DENND5B: variants seen among roughly 807,000 people sequenced by gnomAD.
DENND5B encodes DENN domain-containing protein 5B.
Under a neutral mutation model 140.6 loss-of-function variants are expected in DENND5B, and 34 were observed. The observed-to-expected ratio is 0.24, with a 90% CI of 0.18 to 0.32. The LOEUF (loss-of-function observed/expected upper bound fraction) is 0.32, where lower values mean the gene tolerates loss of function less well. Among genes scored for constraint, DENND5B ranks in the 10% least tolerant of loss-of-function variants. DENND5B has a pLI of 1.00. For synonymous variants in DENND5B, 551 were observed against 562.1 expected (o/e 0.98, Z 0.28); for missense variants, 1,142 against 1,560.2 (o/e 0.73, Z 4.52).
intron 1 of DENND5B, among the ~76,000 whole-genome samples, chr12:31,533,247 T>C (rs1047652157): frequency 4.6e-5 from 7 of 151,456 alleles, no homozygotes; most frequent in African/African-American, 1.5e-4. Context: ...TGAAAATATT[T>C]GAAGAAAAAA....
intron 14 of DENND5B, among the ~76,000 whole-genome samples, chr12:31,407,109 TAATTA>T (rs1027665754): frequency 1.3e-5 from 2 of 151,688 alleles, no homozygotes; most frequent in African/African-American, 4.8e-5. Context: ...CTCTTCGATT[TAATTA>T]AATTAATTAA....
chr12:31,560,066 A>G (rs1949422168), intron 1 of DENND5B, among the ~76,000 whole-genome samples: 1 of 152,066 alleles, frequency 6.6e-6, no homozygotes, highest in African/African-American at 2.4e-5. Flanking sequence ...TCCCTTGGTG[A>G]TCTTATCTAA....
chr12:31,574,295 A>AATAATTATTATT (rs374578025), intron 1 of DENND5B, among the ~76,000 whole-genome samples: 21 of 144,594 alleles, frequency 1.5e-4, no homozygotes, highest in African/African-American at 4.0e-4. Context: ...TAATAATAAT[A>AATAATTATTATT]ATTTAAAAGG....
intron 9 of DENND5B, 29 bp downstream of exon 9, chr12:31,426,264 A>C: frequency 1.9e-6 from 3 of 1,590,492 alleles, no homozygotes; most frequent in Non-Finnish European, 2.6e-6. Flanking sequence ...ATGAATGCAC[A>C]CTGTCTGGCA....
chr12:31,449,554 C>G (rs1944415812), intron 5 of DENND5B, among the ~76,000 whole-genome samples: 2 of 151,956 alleles, frequency 1.3e-5, no homozygotes. Context: ...GTGAAAGGTA[C>G]TTATAAGCCT....
intron 2 of DENND5B, among the ~76,000 whole-genome samples, chr12:31,493,249 C>T (rs946903318): frequency 2.6e-5 from 4 of 152,142 alleles, no homozygotes; most frequent in African/African-American, 9.7e-5. Flanking sequence ...ATTACTTAAC[C>T]TTTGAAAATA....
intron 5 of DENND5B, among the ~76,000 whole-genome samples, chr12:31,448,814 C>T (rs1269165668): frequency 6.6e-6 from 1 of 151,854 alleles, no homozygotes; most frequent in African/African-American, 2.4e-5. Flanking sequence ...AGTTTGAGGC[C>T]AGCCTAAAGA....
chr12:31,470,732 T>G (rs1259237), intron 3 of DENND5B, among the ~76,000 whole-genome samples: 7 of 152,134 alleles, frequency 4.6e-5, no homozygotes, highest in Admixed American at 2.0e-4. Flanking sequence ...GGGCATCCAG[T>G]TGGTATCACA....
chr12:31,434,662 A>G (rs991013351), intron 7 of DENND5B, among the ~76,000 whole-genome samples: 2 of 152,092 alleles, frequency 1.3e-5, no homozygotes, highest in African/African-American at 4.8e-5. Context: ...ACTCCTTTCT[A>G]TCATCTTCAT....
intron 3 of DENND5B, among the ~76,000 whole-genome samples, chr12:31,472,101 T>C (rs1945587809): frequency 6.6e-6 from 1 of 152,162 alleles, no homozygotes. Context: ...ATGTGGGCAC[T>C]CCATGTAACT....
Position 31,591,003 on chromosome 12 carries a change from CG to C in DENND5B, c.-172del. ...CCGCAGCCTGCCTCCTCGCTCGGCG[CG>C]GGGGAAGCGGCCGCGGGCTCGCGCG... On this transcript the variant is annotated 5_prime_UTR_variant, in exon 1 of 21. Coordinates refer to ENST00000389082, the MANE Select transcript of DENND5B (RefSeq NM_144973.4). 3 of 711,274 alleles carry C rather than the reference CG, an allele frequency of 4.2e-6. No homozygotes were observed. Among genetic ancestry groups the C allele is most frequent in the Non-Finnish European group, 5.2e-6 (3 of 574,976 alleles). 44.1% of individuals were successfully genotyped at this position (711,274 alleles called of 1,614,324 possible). A position where few individuals can be genotyped will look rare whatever the true frequency, so the allele number is the denominator to read the frequency against.
rs571580586 is a variant in DENND5B at position 31,459,191 on chromosome 12, G to A, written c.1092+1003C>T. 7.6e-5 allele frequency among the ~76,000 whole-genome samples: 11 copies of A among 144,856 alleles called. No individual in the cohort carries two copies. The South Asian group carries it at 1.8e-3, about 23-fold the overall frequency. On this transcript the variant is annotated intron_variant, in intron 4 of 20. Coordinates refer to ENST00000389082, the MANE Select transcript of DENND5B (RefSeq NM_144973.4). ...GCACTCCAGCCTGGGCAACAAGAGC[G>A]AAACTCCATCTCAAAAGAAAAGAAA...
At chr12:31,589,490 G>C (rs1345950567) in intron 1 of DENND5B, among the ~76,000 whole-genome samples, 1 of 146,304 alleles carries the variant, frequency 6.8e-6, no homozygotes, top group East Asian at 1.9e-4. Context: ...CTCTGAAGCT[G>C]AGTTAAGAAG....
intron 1 of DENND5B, among the ~76,000 whole-genome samples, chr12:31,548,429 G>A (rs1167590463): frequency 6.6e-6 from 1 of 151,674 alleles, no homozygotes; most frequent in East Asian, 1.9e-4. Context: ...GAATTTAAGC[G>A]ACTCTCTCAC....
chr12:31,508,403 T>C (rs1306521104), intron 1 of DENND5B, among the ~76,000 whole-genome samples: 1 of 152,168 alleles, frequency 6.6e-6, no homozygotes, highest in Non-Finnish European at 1.5e-5. Flanking sequence ...AAAAGAAAGA[T>C]ATAAATTACA....
chr12:31,492,314 T>C (rs1052787662), intron 2 of DENND5B, among the ~76,000 whole-genome samples: 1 of 152,264 alleles, frequency 6.6e-6, no homozygotes, highest in African/African-American at 2.4e-5. Context: ...AAAGCTATCA[T>C]GGATATCTCA....
chr12:31,436,597 C>A (rs1943767381), intron 7 of DENND5B, among the ~76,000 whole-genome samples: 1 of 151,694 alleles, frequency 6.6e-6, no homozygotes, highest in African/African-American at 2.4e-5. Context: ...TGCAATGCCG[C>A]AATCTCAGCT....
intron 12 of DENND5B, 57 bp downstream of exon 12, chr12:31,415,310 C>A (rs2137592019): frequency 2.9e-6 from 4 of 1,383,310 alleles, no homozygotes; most frequent in South Asian, 2.8e-5. Flanking sequence ...TAGTTAAAAG[C>A]CACAAAATAC....
chr12:31,532,440 G>T (rs542029852), intron 1 of DENND5B, among the ~76,000 whole-genome samples: 1 of 152,274 alleles, frequency 6.6e-6, no homozygotes, highest in East Asian at 1.9e-4. Context: ...AATCACTGAG[G>T]TGGCTTTAAG....
Sources: gnomAD v4.1 joint callset for allele counts (sites outside exome capture counted in the v4.1 genomes callset) on GRCh38, gnomAD v4.1.1 for gene constraint, MANE v1.5 for transcripts, NCBI Gene and HGNC (gene_info 2026-07-23, HGNC 2026-07-21) for gene names.